The following ENOSF1 variants were observed in gnomAD, a reference collection of about 807,000 sequenced individuals.
The protein encoded by ENOSF1 is mitochondrial enolase superfamily member 1.
A neutral mutation model predicts 68.2 loss-of-function variants in ENOSF1; 73 were observed. That is an observed-to-expected ratio of 1.07 (90% confidence interval 0.89 to 1.30). ENOSF1 has a LOEUF of 1.30. Among genes scored for constraint, ENOSF1 ranks in the 50% most tolerant of loss-of-function variants. The pLI, the probability that ENOSF1 is intolerant of heterozygous loss-of-function variation, is 0.00. For synonymous variants in ENOSF1, 223 were observed against 210.4 expected (o/e 1.06, Z -0.52); for missense variants, 589 against 554.5 (o/e 1.06, Z -0.62).
intron 5 of ENOSF1, chr18:692,646 G>A: frequency 1.2e-6 from 1 of 830,524 alleles, no homozygotes; most frequent in Non-Finnish European, 1.5e-6. Flanking sequence ...AAAGAGTACT[G>A]GCATTGAAAG....
At chr18:691,011 C>CA (rs1474409429) in intron 7 of ENOSF1, 57 bp downstream of exon 7, 6 of 1,566,606 alleles carry the variant, frequency 3.8e-6, no homozygotes, top group Non-Finnish European at 5.3e-6. Context: ...AGGACAGGGG[C>CA]ACTCAAAAGT....
At chr18:668,967 A>C (rs2074921060), downstream of ENOSF1, 1 of 926,156 alleles carries the variant, frequency 1.1e-6, no homozygotes, top group Admixed American at 2.2e-5. Context: ...CCATGGGTCA[A>C]GGGGGGACCC....
chr18:677,334 A>AC lies in ENOSF1; in HGVS notation c.1148+10dup. On this transcript the variant is annotated intron_variant, in intron 14 of 15. Transcript: ENST00000647584. ...TACTGAAACAGAAAGTATTAATGCC[A>AC]CATTACTGACCTATTTTCAAGGCTT... 1 of 1,607,342 alleles carries AC rather than the reference A, an allele frequency of 6.2e-7. No homozygotes were observed. The highest frequency in any genetic ancestry group is 8.5e-7 in the Non-Finnish European group (1 of 1,174,384).
intron 14 of ENOSF1, among the ~76,000 whole-genome samples, chr18:677,121 C>A (rs2075593223): frequency 6.6e-6 from 1 of 152,168 alleles, no homozygotes; most frequent in South Asian, 2.1e-4. Context: ...CTTCAATGTA[C>A]TTAAAAAATA....
At chr18:683,035 C>T (rs189146031) in intron 11 of ENOSF1, 125 of 558,302 alleles carry the variant, frequency 2.2e-4, no homozygotes, top group Admixed American at 1.8e-4. Context: ...TTATCTAAAA[C>T]AAACAGAAAT....
chr18:677,954 CTA>C (rs1306706903), intron 12 of ENOSF1, 82 bp from the exon 13 acceptor site: 1 of 1,481,680 alleles, frequency 6.7e-7, no homozygotes, highest in Non-Finnish European at 9.1e-7. Flanking sequence ...CGCAGCCACT[CTA>C]TGCCAATAAT....
chr18:698,111 T>C (rs114759593), intron 2 of ENOSF1, among the ~76,000 whole-genome samples: 252 of 152,332 alleles, frequency 1.7e-3, no homozygotes, highest in African/African-American at 5.9e-3. Flanking sequence ...TTTTCTGTGG[T>C]TGTCATAAGA....
intron 1 of ENOSF1, among the ~76,000 whole-genome samples, chr18:709,025 G>C (rs1392031475): frequency 6.6e-6 from 1 of 152,176 alleles, no homozygotes; most frequent in Admixed American, 6.5e-5. Flanking sequence ...GAAGCTTTTG[G>C]GTCCCTGTGA....
At chr18:667,744 C>T (rs2074886641), downstream of ENOSF1, 1 of 152,160 alleles carries the variant, frequency 6.6e-6, no homozygotes, top group African/African-American at 2.4e-5. Context: ...GGCCAAGTTA[C>T]TTGTGCAGGT....
chr18:684,063 G>T (rs765894950), intron 10 of ENOSF1, among the ~76,000 whole-genome samples: 2 of 150,958 alleles, frequency 1.3e-5, no homozygotes. Context: ...GCGCTATCTC[G>T]GCTCACTGCA....
At chr18:684,182 A>G (rs533960489) in intron 10 of ENOSF1, among the ~76,000 whole-genome samples, 63 of 151,650 alleles carry the variant, frequency 4.2e-4, no homozygotes, top group Middle Eastern at 3.2e-3. Flanking sequence ...TTTTTAGTAG[A>G]GACGGGGTTT....
chr18:678,259 G>A (rs2075714983), intron 12 of ENOSF1: 1 of 275,986 alleles, frequency 3.6e-6, no homozygotes, highest in East Asian at 9.3e-5. Flanking sequence ...TGCTCCTTTT[G>A]CCGGGAAAAC....
rs2075054881 is a variant in ENOSF1, at chr18:671,642, C to T, written c.*2663G>A. 9.7e-6 allele frequency: 6 copies of T among 615,478 alleles called. No homozygotes were observed. The highest frequency in any genetic ancestry group is 1.7e-5 in the Non-Finnish European group (6 of 350,212). 38.1% of individuals were successfully genotyped at this position (615,478 alleles called of 1,614,324 possible). On this transcript the variant is annotated 3_prime_UTR_variant, in exon 16 of 16. Coordinates refer to ENST00000647584, the MANE Select transcript of ENOSF1 (RefSeq NM_017512.7). ...GCATCTGCCTCAGCAACCATGGGCA[C>T]TTAACATGTCAGGTGCTGTGAGGTA...
Position 706,569 on chromosome 18 carries a change from G to C in ENOSF1, c.94C>G (p.Pro32Ala), listed in dbSNP as rs779387905. 1 of 1,612,992 alleles carries C rather than the reference G, an allele frequency of 6.2e-7. No homozygotes were observed. Among genetic ancestry groups the C allele is most frequent in the African/African-American group, 1.3e-5 (1 of 74,826 alleles). ...GHGADAMHTD[P>A]DYSAAYVVIE... ...ACGACATAGGCAGCCGAGTAGTCAG[G>C]GTCCGTGTGCTGCAGGAGAAGAGTT... is the stretch of plus-strand genomic sequence containing the variant. Residue 32 changes from proline to alanine, a missense_variant, in exon 2 of 16, where the codon CCT becomes GCT. Transcript: ENST00000647584.
chr18:670,831 G>C lies in ENOSF1; in HGVS notation c.*3474C>G, dbSNP rs1598479234. 6.2e-7 allele frequency: 1 copy of C among 1,613,908 alleles called. No homozygotes were observed. The highest frequency in any genetic ancestry group is 1.7e-5 in the Admixed American group (1 of 59,996). The stretch of plus-strand genomic sequence containing the variant: ...CTTTCAACATCGCCAGCTACGCCCT[G>C]CTCACGTACATGATTGCGCACATCA... On this transcript the variant is annotated 3_prime_UTR_variant, in exon 16 of 16. Transcript: ENST00000647584.
At position 683,261 on chromosome 18, in the gene ENOSF1, G is replaced by C. The variant is rs752270358; in HGVS notation, c.861C>G (p.His287Gln). Reference sequence around the variant, plus strand: ...GTTTTCCTACCTTGGAAATGGTGGCGTGCCCCAGAATGTCATCAGGGGAGG... The same window carrying C: ...GTTTTCCTACCTTGGAAATGGTGGCCTGCCCCAGAATGTCATCAGGGGAGG... ...EPTSPDDILG[H>Q]ATISKALVPL... The change falls in exon 11 of 16, where the codon CAC (histidine) becomes CAG (glutamine). Residue 287 changes from histidine to glutamine, a missense_variant. His to Gln is a conservative substitution (Grantham distance 24). Coordinates refer to ENST00000647584, the MANE Select transcript of ENOSF1 (RefSeq NM_017512.7). 1 of 1,613,886 alleles carries C rather than the reference G, an allele frequency of 6.2e-7. No individual in the cohort carries two copies. Among genetic ancestry groups the C allele is most frequent in the Admixed American group, 1.7e-5 (1 of 59,976 alleles).
intron 4 of ENOSF1, 115 bp from the exon 5 acceptor site, chr18:694,023 C>T (rs1301875589): frequency 4.1e-6 from 5 of 1,206,688 alleles, no homozygotes; most frequent in African/African-American, 1.5e-5. Flanking sequence ...GTCCCCACAC[C>T]CCCCTCTACT....
chr18:676,270 T>C (rs995055415), intron 14 of ENOSF1, among the ~76,000 whole-genome samples: 2 of 152,210 alleles, frequency 1.3e-5, no homozygotes, highest in African/African-American at 4.8e-5. Context: ...TGGATTTGTT[T>C]TGGATTTGTG....
chr18:663,919 G>T, the ENOSF1 span, among the ~76,000 whole-genome samples: 1 of 107,970 alleles, frequency 9.3e-6, no homozygotes, highest in Non-Finnish European at 1.8e-5. Flanking sequence ...GGTTACTGTA[G>T]CCTTGTAGTA....
Sources: allele counts gnomAD v4.1 joint callset (sites outside exome capture counted in the v4.1 genomes callset), GRCh38; gene constraint gnomAD v4.1.1; transcripts MANE v1.5; gene names NCBI Gene and HGNC (gene_info 2026-07-23, HGNC 2026-07-21).